Variants in FOXN4 observed in about 807,000 individuals in gnomAD.
FOXN4 encodes forkhead box N4, also known as forkhead box protein N4.
FOXN4 carries 12 observed loss-of-function variants against 45.0 expected under a neutral mutation model. The observed-to-expected ratio is 0.27, with a 90% CI of 0.17 to 0.43. The LOEUF (loss-of-function observed/expected upper bound fraction) is 0.43. Among genes scored for constraint, FOXN4 ranks in the 20% least tolerant of loss-of-function variants. The probability of loss-of-function intolerance (pLI) is 1.00; values close to 1 mark genes in which losing one functional copy is unlikely to be tolerated. For synonymous variants in FOXN4, 297 were observed against 295.0 expected (o/e 1.01, Z -0.07); for missense variants, 560 against 694.9 (o/e 0.81, Z 2.18).
intron 2 of FOXN4, among the ~76,000 whole-genome samples, chr12:109,293,948 G>C (rs901136042): frequency 6.6e-6 from 1 of 152,200 alleles, no homozygotes; most frequent in Non-Finnish European, 1.5e-5. Context: ...ACTTCACAGA[G>C]GGGGAAGCTG....
chr12:109,296,169 G>A (rs1425908079), intron 2 of FOXN4, among the ~76,000 whole-genome samples: 1 of 152,240 alleles, frequency 6.6e-6, no homozygotes, highest in Non-Finnish European at 1.5e-5. Context: ...GAGGCACTGA[G>A]CCAGGCTTTC....
chr12:109,290,136 C>T lies in FOXN4; in HGVS notation c.232+5G>A, dbSNP rs746140282. 1 of 1,542,060 alleles carries T rather than the reference C, an allele frequency of 6.5e-7. No homozygotes were observed. The highest frequency in any genetic ancestry group is 1.2e-5 in the South Asian group (1 of 82,310). ...CCTCCCTGCCTACCTTGTCCCTGAG[C>T]CTACCTGGGTGTGGATGTGGCACGC... On this transcript the variant is annotated splice_donor_5th_base_variant and intron_variant, in intron 3 of 9. Coordinates refer to ENST00000299162, the MANE Select transcript of FOXN4 (RefSeq NM_213596.3). The surrounding 1 kb of genome is among the most constrained non-coding windows in gnomAD (Gnocchi z 5.1).
intron 2 of FOXN4, among the ~76,000 whole-genome samples, chr12:109,301,664 C>T (rs190111455): frequency 6.6e-6 from 1 of 152,386 alleles, no homozygotes; most frequent in African/African-American, 2.4e-5. Context: ...AAGAGGCCCT[C>T]CCAGGCCCTC....
intron 2 of FOXN4, among the ~76,000 whole-genome samples, chr12:109,303,826 T>C (rs1160951620): frequency 6.6e-6 from 1 of 152,182 alleles, no homozygotes; most frequent in Non-Finnish European, 1.5e-5. Flanking sequence ...TTCATAAATG[T>C]GTGCCTTTGA....
At chr12:109,299,436 G>A (rs974994489) in intron 2 of FOXN4, among the ~76,000 whole-genome samples, 4 of 152,000 alleles carry the variant, frequency 2.6e-5, no homozygotes, top group South Asian at 2.1e-4. Context: ...ACATGCACAC[G>A]CCCACAGACC....
intron 8 of FOXN4, among the ~76,000 whole-genome samples, chr12:109,283,123 G>A (rs117762573): frequency 0.012 from 1,896 of 152,118 alleles, 21 homozygotes; most frequent in Middle Eastern, 0.034. Context: ...TAGCCTCCAC[G>A]TCACAGTCCC....
At chr12:109,297,536 C>T (rs1470450702) in intron 2 of FOXN4, among the ~76,000 whole-genome samples, 1 of 152,160 alleles carries the variant, frequency 6.6e-6, no homozygotes, top group Non-Finnish European at 1.5e-5. Flanking sequence ...TGGGGTTTCA[C>T]CATGTTGGCC....
At chr12:109,294,561 G>A (rs920223) in intron 2 of FOXN4, among the ~76,000 whole-genome samples, 93,656 of 152,050 alleles carry the variant, frequency 0.62, 30,106 homozygotes, top group African/African-American at 0.79. Context: ...CAGTGCACCT[G>A]ACAGGTGGCC....
chr12:109,301,387 G>A (rs2047867777), intron 2 of FOXN4, among the ~76,000 whole-genome samples: 1 of 152,094 alleles, frequency 6.6e-6, no homozygotes, highest in Non-Finnish European at 1.5e-5. Flanking sequence ...CTCTTACAAG[G>A]GACATTGGAA....
In FOXN4 at chr12:109,287,593, T is replaced by C; in HGVS notation, c.469-69A>G. On this transcript the variant is annotated intron_variant, in intron 5 of 9. Coordinates refer to ENST00000299162, the MANE Select transcript of FOXN4 (RefSeq NM_213596.3). The surrounding 1 kb of genome is among the most constrained non-coding windows in gnomAD (Gnocchi z 4.1). Reference sequence around the variant, plus strand: ...GAAGGTGAGAAATAACATACGTCACTCACAGTAACACTGTCCCCACCCCAG... The same window carrying C: ...GAAGGTGAGAAATAACATACGTCACCCACAGTAACACTGTCCCCACCCCAG... 2 of 1,468,182 alleles carry C rather than the reference T, an allele frequency of 1.4e-6. No individual in the cohort carries two copies. The highest frequency in any genetic ancestry group is 1.8e-6 in the Non-Finnish European group (2 of 1,106,616). 90.9% of individuals were successfully genotyped at this position (1,468,182 alleles called of 1,614,324 possible). A position where few individuals can be genotyped will look rare whatever the true frequency, so the allele number is the denominator to read the frequency against.
intron 9 of FOXN4, among the ~76,000 whole-genome samples, chr12:109,280,756 A>G (rs1393602731): frequency 6.6e-6 from 1 of 152,194 alleles, no homozygotes; most frequent in Non-Finnish European, 1.5e-5. Context: ...TAAGAGCTGC[A>G]CCTGTGCTAG....
Position 109,288,096 on chromosome 12 carries a change from C to A in FOXN4, c.317G>T (p.Gly106Val). The change falls in exon 4 of 10, where the codon GGC (glycine) becomes GTC (valine). Residue 106 changes from glycine (G) to valine (V), a missense_variant. Around this residue, in one of 5 missense-constraint regions of FOXN4, gnomAD observed 142 missense variants for 185.7 expected, o/e 0.76. Coordinates refer to ENST00000299162, the MANE Select transcript of FOXN4 (RefSeq NM_213596.3). This position sits in a 1 kb window ranked among gnomAD's most constrained non-coding sequence, Gnocchi z 4.3. The part of the protein sequence containing the change: ...LHGPAGMAPR[G>V]MPGLGPITGH... ...AGTTATGGGGCCCAGACCTGGCATG[C>A]CTCGGGGGGCCATGCCTGCTGGGCC... 4 of 1,547,444 alleles carry A rather than the reference C, an allele frequency of 2.6e-6. No homozygotes were observed. The South Asian group carries it at 4.8e-5, about 18-fold the overall frequency.
intron 2 of FOXN4, among the ~76,000 whole-genome samples, chr12:109,301,336 CT>C (rs1237544882): frequency 2.0e-5 from 3 of 152,172 alleles, no homozygotes; most frequent in African/African-American, 7.2e-5. Flanking sequence ...CACTGGAGAA[CT>C]GTTTGTGGAA....
chr12:109,284,086 C>T (rs1006353386), intron 8 of FOXN4, among the ~76,000 whole-genome samples: 7 of 152,180 alleles, frequency 4.6e-5, no homozygotes, highest in East Asian at 1.9e-4. Context: ...CCATTATATA[C>T]GAAGCTCTCT....
rs2136929249 is a variant in FOXN4, at chr12:109,291,190, G to C, written c.87-904C>G. ...ATGTAGGATAGCTGCCCATGGAGGT[G>C]CCAGACAGGTCGGTGATTTGGGATA... is the stretch of plus-strand genomic sequence containing the variant. On this transcript the variant is annotated intron_variant, in intron 2 of 9. Coordinates refer to ENST00000299162, the MANE Select transcript of FOXN4 (RefSeq NM_213596.3). The surrounding 1 kb of genome is among the most constrained non-coding windows in gnomAD (Gnocchi z 6.6). Among the ~76,000 whole-genome samples, 1 of 152,198 alleles carries C rather than the reference G, an allele frequency of 6.6e-6. No homozygotes were observed. Among genetic ancestry groups the C allele is most frequent in the East Asian group, 1.9e-4 (1 of 5,164 alleles).
intron 6 of FOXN4, chr12:109,286,980 CCT>C (rs2047718693): frequency 2.8e-6 from 3 of 1,080,476 alleles, no homozygotes; most frequent in Non-Finnish European, 3.8e-6. Flanking sequence ...GAAATCTTAC[CCT>C]TTCCCCTCTT....
At chr12:109,298,448 G>A (rs764861454) in intron 2 of FOXN4, among the ~76,000 whole-genome samples, 5 of 149,368 alleles carry the variant, frequency 3.3e-5, no homozygotes, top group Admixed American at 6.8e-5. Flanking sequence ...TGCAACCTCC[G>A]CCTCCCGGGT....
At position 109,281,461 on chromosome 12, in the gene FOXN4, T is replaced by C. The variant is rs2047651273; in HGVS notation, c.1240A>G (p.Met414Val). 3 of 1,613,872 alleles carry C rather than the reference T, an allele frequency of 1.9e-6. No individual in the cohort carries two copies. Among genetic ancestry groups the C allele is most frequent in the Admixed American group, 3.3e-5 (2 of 60,000 alleles). Reference protein sequence around the residue: ...PVDFINISTDMNTEVDALDPS... With the variant: ...PVDFINISTDVNTEVDALDPS... ...TCGAGGGCATCCACCTCAGTGTTCA[T>C]GTCGGTGCTGATGTTGATGAAGTCT... Residue 414 changes from methionine (M) to valine (V), a missense_variant, in exon 9 of 10, where the codon ATG becomes GTG. Physicochemically the swap from Met to Val is conservative, Grantham distance 21. Coordinates refer to ENST00000299162, the MANE Select transcript of FOXN4 (RefSeq NM_213596.3).
intron 2 of FOXN4, among the ~76,000 whole-genome samples, chr12:109,300,870 C>G (rs149279164): frequency 6.6e-6 from 1 of 152,224 alleles, no homozygotes; most frequent in Non-Finnish European, 1.5e-5. Flanking sequence ...GATTACGCTG[C>G]TGCACTCCAG....
Sources: gnomAD v4.1 joint callset for allele counts (sites outside exome capture counted in the v4.1 genomes callset) on GRCh38, gnomAD v4.1.1 for gene constraint, gnomAD v4.1.1 regional missense constraint, Gnocchi (gnomAD v3.1) non-coding constraint, MANE v1.5 for transcripts, NCBI Gene and HGNC (gene_info 2026-07-23, HGNC 2026-07-21) for gene names.